The following RGS8 variants were observed in gnomAD, a reference collection of about 807,000 sequenced individuals.
RGS8 encodes regulator of G-protein signaling 8.
In RGS8, 8 loss-of-function variants were observed where a neutral mutation model predicts 21.7. The observed-to-expected ratio is 0.37, with a 90% CI of 0.22 to 0.66. The LOEUF (loss-of-function observed/expected upper bound fraction) is 0.66, where lower values mean the gene tolerates loss of function less well. Among genes scored for constraint, RGS8 ranks in the 30% least tolerant of loss-of-function variants. RGS8 has a pLI of 0.59. For missense variants in RGS8, 157 were observed against 217.9 expected (o/e 0.72, Z 1.76); for synonymous variants, 80 against 83.6 (o/e 0.96, Z 0.24).
chr1:182,660,393 T>C (rs994751715), intron 5 of RGS8, among the ~76,000 whole-genome samples: 3 of 152,130 alleles, frequency 2.0e-5, no homozygotes, highest in African/African-American at 7.2e-5. Flanking sequence ...ATTCCTTCAA[T>C]AAAGACCAAA....
At chr1:182,750,373 A>G in the RGS8 span, among the ~76,000 whole-genome samples, 1 of 152,212 alleles carries the variant, frequency 6.6e-6, no homozygotes, top group African/African-American at 2.4e-5. Flanking sequence ...CCATCTTTAC[A>G]TCAACAATAG....
chr1:182,731,625 A>G, the RGS8 span, among the ~76,000 whole-genome samples: 14 of 152,300 alleles, frequency 9.2e-5, no homozygotes, highest in African/African-American at 3.4e-4. Context: ...AAAAAGCACA[A>G]ACACACACAC....
chr1:182,708,411 G>T, the RGS8 span, among the ~76,000 whole-genome samples: 113 of 152,334 alleles, frequency 7.4e-4, 3 homozygotes, highest in East Asian at 0.018. Flanking sequence ...ACTCACAGCC[G>T]CTGCAGGTCC....
At chr1:182,668,694 C>T (rs982066102) in intron 3 of RGS8, among the ~76,000 whole-genome samples, 1 of 152,162 alleles carries the variant, frequency 6.6e-6, no homozygotes, top group Non-Finnish European at 1.5e-5. Flanking sequence ...TCAGCCAGGC[C>T]GCATTGTGAA....
At chr1:182,701,412 G>A in the RGS8 span, among the ~76,000 whole-genome samples, 1 of 152,232 alleles carries the variant, frequency 6.6e-6, no homozygotes, top group Non-Finnish European at 1.5e-5. Flanking sequence ...GTCACTGAGA[G>A]ATGACTCCAA....
intron 5 of RGS8, among the ~76,000 whole-genome samples, chr1:182,656,145 T>C (rs1422976893): frequency 6.6e-6 from 1 of 152,178 alleles, no homozygotes; most frequent in Non-Finnish European, 1.5e-5. Flanking sequence ...ATAAGGAAAG[T>C]GAGACATGGA....
chr1:182,746,982 G>A, the RGS8 span, among the ~76,000 whole-genome samples: 3 of 140,484 alleles, frequency 2.1e-5, no homozygotes, highest in South Asian at 2.3e-4. Flanking sequence ...TAGCTCACTG[G>A]ATCCTCCTGT....
chr1:182,746,021 G>A, the RGS8 span, among the ~76,000 whole-genome samples: 7 of 152,062 alleles, frequency 4.6e-5, no homozygotes, highest in East Asian at 5.8e-4. Context: ...TGCCCTCTAG[G>A]GTAAAGAAGA....
At chr1:182,714,947 C>T in the RGS8 span, among the ~76,000 whole-genome samples, 1 of 152,156 alleles carries the variant, frequency 6.6e-6, no homozygotes, top group African/African-American at 2.4e-5. Flanking sequence ...GGATGCGTTA[C>T]CCCTACGCCA....
chr1:182,643,574 T>C (rs598423), downstream of RGS8: 13,229 of 151,964 alleles, frequency 0.087, 1,629 homozygotes, highest in African/African-American at 0.28. Context: ...CCACTAGCCA[T>C]CTAGGAACTT....
chr1:182,734,105 G>C, the RGS8 span, among the ~76,000 whole-genome samples: 4 of 151,874 alleles, frequency 2.6e-5, no homozygotes, highest in African/African-American at 9.7e-5. Flanking sequence ...ATTTTTAGTA[G>C]AGACAGGGTT....
the RGS8 span, among the ~76,000 whole-genome samples, chr1:182,746,955 G>A: frequency 1.3e-5 from 2 of 149,956 alleles, no homozygotes; most frequent in Middle Eastern, 7.0e-3. Flanking sequence ...CCAGGCTGGA[G>A]TGCAATGGCA....
intron 3 of RGS8, among the ~76,000 whole-genome samples, chr1:182,668,844 CTCGAGTCA>C (rs1188106917): frequency 6.6e-6 from 1 of 152,236 alleles, no homozygotes; most frequent in Non-Finnish European, 1.5e-5. Context: ...ATTGAGGGCC[CTCGAGTCA>C]TCACATTCCA....
the RGS8 span, among the ~76,000 whole-genome samples, chr1:182,748,300 T>C: frequency 6.6e-6 from 1 of 152,236 alleles, no homozygotes; most frequent in African/African-American, 2.4e-5. Context: ...GCAACCACCA[T>C]TCTATTCCCA....
At chr1:182,727,234 ATAACT>A in the RGS8 span, among the ~76,000 whole-genome samples, 1 of 152,206 alleles carries the variant, frequency 6.6e-6, no homozygotes, top group Non-Finnish European at 1.5e-5. Context: ...CCTTGGACAA[ATAACT>A]TAACCTCTCT....
At chr1:182,729,285 G>C in the RGS8 span, among the ~76,000 whole-genome samples, 1 of 152,204 alleles carries the variant, frequency 6.6e-6, no homozygotes, top group African/African-American at 2.4e-5. Flanking sequence ...GTCTGGACTG[G>C]TGAATTCTAA....
the RGS8 span, among the ~76,000 whole-genome samples, chr1:182,750,439 A>C: frequency 6.6e-6 from 1 of 152,192 alleles, no homozygotes; most frequent in African/African-American, 2.4e-5. Flanking sequence ...ACAGGAAGAT[A>C]CTTAAACCCA....
At chr1:182,666,836 A>G (rs768780913) in intron 4 of RGS8, 36 bp downstream of exon 5, 227 of 1,492,144 alleles carry the variant, frequency 1.5e-4, no homozygotes, top group Non-Finnish European at 2.1e-4. Flanking sequence ...GACTTGCTGT[A>G]TTACCCAGGG....
the RGS8 span, among the ~76,000 whole-genome samples, chr1:182,741,927 C>A: frequency 7.5e-6 from 1 of 133,918 alleles, no homozygotes; most frequent in South Asian, 2.4e-4. Flanking sequence ...CGGGCGGAGA[C>A]GCTCCTCACT....
Sources: gnomAD v4.1 joint callset for allele counts (sites outside exome capture counted in the v4.1 genomes callset) on GRCh38, gnomAD v4.1.1 for gene constraint, MANE v1.5 for transcripts, NCBI Gene and HGNC (gene_info 2026-07-23, HGNC 2026-07-21) for gene names.